ZNF787: variants seen among roughly 807,000 people sequenced by gnomAD.
The protein encoded by ZNF787 is TTF-I-interacting peptide 20.
Under a neutral mutation model 16.9 loss-of-function variants are expected in ZNF787, and 7 were observed. That is an observed-to-expected ratio of 0.42 (90% CI 0.24 to 0.78). ZNF787 has a LOEUF of 0.78. Ranked by LOEUF, ZNF787 falls within the 30% of genes least tolerant of loss-of-function variation. ZNF787 has a pLI of 0.30. For synonymous variants in ZNF787, 345 were observed against 270.9 expected (o/e 1.27, Z -2.69); for missense variants, 551 against 589.3 (o/e 0.94, Z 0.67).
At position 56,088,194 on chromosome 19, in the gene ZNF787, G is replaced by T; in HGVS notation, c.978C>A (p.Phe326Leu). 6.5e-7 allele frequency: 1 copy of T among 1,540,722 alleles called. No homozygotes were observed. Among genetic ancestry groups the T allele is most frequent in the East Asian group, 2.7e-5 (1 of 37,444 alleles). Residue 326 changes from phenylalanine (F) to leucine (L), a missense_variant, in exon 3 of 3, where the codon TTC (phenylalanine) becomes TTA (leucine). By Grantham distance (22) the Phe-to-Leu change is conservative (BLOSUM62 0). Transcript: ENST00000610935. The surrounding 1 kb of genome is among the most constrained non-coding windows in gnomAD (Gnocchi z 8.6). ...AHICVECGEG[F>L]VQGAALRRHK... is the part of the protein sequence containing the mutation. ...GTCTCCGGAGCGCGGCGCCCTGCACGAAGCCCTCCCCGCACTCCACGCAGA... is the reference window on the plus strand; with the variant it reads ...GTCTCCGGAGCGCGGCGCCCTGCACTAAGCCCTCCCCGCACTCCACGCAGA...
At chr19:56,098,802 G>A (rs1487020082) in intron 2 of ZNF787, among the ~76,000 whole-genome samples, 1 of 134,768 alleles carries the variant, frequency 7.4e-6, no homozygotes, top group African/African-American at 2.5e-5. Flanking sequence ...ACGGCCGCAG[G>A]GTGATGCTGC....
At position 56,093,119 on chromosome 19, in the gene ZNF787, G is replaced by C. The variant is rs577970639; in HGVS notation, c.80-4027C>G. On this transcript the variant is annotated intron_variant, in intron 2 of 2. Transcript: ENST00000610935. ...TCCATAGACACAGGGGATGGCGGAAGTGGGATATTCCATAGACACAGGGGA... is the reference window on the plus strand; with the variant it reads ...TCCATAGACACAGGGGATGGCGGAACTGGGATATTCCATAGACACAGGGGA... Among the ~76,000 whole-genome samples the C allele has an allele frequency of 8.7e-5, 13 of 149,126 alleles. No homozygotes were observed. The South Asian group carries it at 1.3e-3, about 15-fold the overall frequency.
chr19:56,096,377 C>A (rs1335798757), intron 2 of ZNF787, among the ~76,000 whole-genome samples: 1 of 151,874 alleles, frequency 6.6e-6, no homozygotes, highest in African/African-American at 2.4e-5. Flanking sequence ...AGAGATGGCA[C>A]CACTGCACTC....
chr19:56,109,757 G>A (rs996472920), intron 1 of ZNF787, among the ~76,000 whole-genome samples: 3 of 152,158 alleles, frequency 2.0e-5, no homozygotes, highest in Admixed American at 6.5e-5. Context: ...GGTGGCGGGC[G>A]CCTGTAGTCC....
rs1985344163 is a variant in ZNF787, at chr19:56,087,806, C to G, written c.*217G>C. 8.3e-6 allele frequency: 6 copies of G among 724,410 alleles called. No individual in the cohort carries two copies. The highest frequency in any genetic ancestry group is 8.2e-5 in the East Asian group (2 of 24,394). 44.9% of individuals were successfully genotyped at this position (724,410 alleles called of 1,614,324 possible). On this transcript the variant is annotated 3_prime_UTR_variant, in exon 3 of 3. Coordinates refer to ENST00000610935, the MANE Select transcript of ZNF787 (RefSeq NM_001002836.4). Reference sequence around the variant, plus strand: ...GATAACTTAGGAAGGGCGGGCCAGGCTGAGGGGGCAGAGTCTCGAGGCGGA... The same window carrying G: ...GATAACTTAGGAAGGGCGGGCCAGGGTGAGGGGGCAGAGTCTCGAGGCGGA...
chr19:56,106,411 T>C (rs146571226), intron 1 of ZNF787, among the ~76,000 whole-genome samples: 44 of 152,354 alleles, frequency 2.9e-4, no homozygotes, highest in African/African-American at 1.0e-3. Flanking sequence ...TCCATCCATT[T>C]ATTTCTGTGG....
In ZNF787 at chr19:56,087,445, T is replaced by G. The variant is rs1244581012; in HGVS notation, c.*578A>C. On this transcript the variant is annotated 3_prime_UTR_variant, in exon 3 of 3. Transcript: ENST00000610935. ...GGCCTGGGACAAACGGGCACCCGCC[T>G]CCTGCGGCGCTGCCTCTGCTACCCG... The G allele has an allele frequency of 6.6e-6, 1 of 152,102 alleles. No homozygotes were observed. Among genetic ancestry groups the G allele is most frequent in the Non-Finnish European group, 1.5e-5 (1 of 68,092 alleles). 9.4% of individuals were successfully genotyped at this position (152,102 alleles called of 1,614,324 possible). A position where few individuals can be genotyped will look rare whatever the true frequency, so the allele number is the denominator to read the frequency against.
intron 2 of ZNF787, among the ~76,000 whole-genome samples, chr19:56,092,968 T>C (rs911436519): frequency 2.3e-5 from 3 of 127,712 alleles, no homozygotes; most frequent in South Asian, 2.5e-4. Flanking sequence ...GGATACCCCA[T>C]AGACACGAGA....
Position 56,088,655 on chromosome 19 carries a change from T to C in ZNF787, c.517A>G (p.Ser173Gly). ...KSLAKHRRSH[S>G]GLKPFVCPRC... ...GGGCACACGAAGGGCTTGAGGCCGC[T>C]GTGCGAGCGCCGGTGCTTGGCCAGG... Residue 173 changes from serine (S) to glycine (G), a missense_variant, in exon 3 of 3, where the codon AGC becomes GGC. Transcript: ENST00000610935. This position sits in a 1 kb window ranked among gnomAD's most constrained non-coding sequence, Gnocchi z 8.6. 1.3e-6 allele frequency: 2 copies of C among 1,559,870 alleles called. No homozygotes were observed. Among genetic ancestry groups the C allele is most frequent in the Non-Finnish European group, 1.7e-6 (2 of 1,159,706 alleles).
chr19:56,120,703 C>G (rs1360901865), intron 1 of ZNF787, among the ~76,000 whole-genome samples: 1 of 152,062 alleles, frequency 6.6e-6, no homozygotes, highest in East Asian at 1.9e-4. Flanking sequence ...CCAGCCCAAC[C>G]GCGCGGCCCC....
intron 2 of ZNF787, among the ~76,000 whole-genome samples, chr19:56,094,207 T>TTTC (rs920821247): frequency 6.9e-5 from 10 of 145,720 alleles, no homozygotes; most frequent in African/African-American, 2.3e-4. Context: ...TTTTTTTTTT[T>TTTC]CATTTTCAGT....
intron 1 of ZNF787, among the ~76,000 whole-genome samples, chr19:56,107,426 G>C (rs1353322183): frequency 6.6e-6 from 1 of 152,118 alleles, no homozygotes; most frequent in Non-Finnish European, 1.5e-5. Flanking sequence ...GCAGACATGG[G>C]GTCACCAGAA....
intron 2 of ZNF787, 196 bp downstream of exon 2, chr19:56,102,943 T>C (rs1046785038): frequency 2.8e-6 from 2 of 715,560 alleles, no homozygotes; most frequent in African/African-American, 3.5e-5. Flanking sequence ...AAAGGAAACT[T>C]GGAGCCACAA....
At chr19:56,114,433 G>C (rs1354835071) in intron 1 of ZNF787, among the ~76,000 whole-genome samples, 3 of 78,644 alleles carry the variant, frequency 3.8e-5, no homozygotes, top group Non-Finnish European at 8.1e-5. Context: ...GTCTCTCTGA[G>C]GGGCCGGGCT....
chr19:56,116,080 G>A (rs2030129116), intron 1 of ZNF787, among the ~76,000 whole-genome samples: 1 of 152,050 alleles, frequency 6.6e-6, no homozygotes, highest in Non-Finnish European at 1.5e-5. Flanking sequence ...GGAGGGTGCA[G>A]GCGGATATGG....
At chr19:56,107,957 G>C (rs1260268115) in intron 1 of ZNF787, among the ~76,000 whole-genome samples, 2 of 152,134 alleles carry the variant, frequency 1.3e-5, no homozygotes, top group Admixed American at 1.3e-4. Context: ...CGGGAGGACT[G>C]CGAGTCACCT....
intron 2 of ZNF787, chr19:56,102,897 A>T (rs1568529386): frequency 1.4e-6 from 1 of 703,522 alleles, no homozygotes; most frequent in South Asian, 1.5e-5. Flanking sequence ...CAGGCAGAGA[A>T]GGTGGCCCCC....
At chr19:56,120,115 C>G (rs968086330) in intron 1 of ZNF787, among the ~76,000 whole-genome samples, 1 of 152,212 alleles carries the variant, frequency 6.6e-6, no homozygotes, top group Admixed American at 6.5e-5. Context: ...GCGACTCTGT[C>G]GCCCGGGTCT....
intron 1 of ZNF787, among the ~76,000 whole-genome samples, chr19:56,114,159 C>T (rs1350466544): frequency 2.6e-5 from 4 of 152,214 alleles, no homozygotes; most frequent in Non-Finnish European, 5.9e-5. Flanking sequence ...TTCCATCTGG[C>T]TCCGGCACCT....
Sources: gnomAD v4.1 joint callset for allele counts (sites outside exome capture counted in the v4.1 genomes callset) on GRCh38, gnomAD v4.1.1 for gene constraint, Gnocchi (gnomAD v3.1) non-coding constraint, MANE v1.5 for transcripts, NCBI Gene and HGNC (gene_info 2026-07-23, HGNC 2026-07-21) for gene names.